Variants in INPP4B observed in about 807,000 individuals in gnomAD.
INPP4B encodes inositol polyphosphate-4-phosphatase type II B.
In INPP4B, 55 loss-of-function variants were observed where a neutral mutation model predicts 122.5. The ratio of observed to expected loss-of-function variants is 0.45; its 90% CI spans 0.36 to 0.56. The LOEUF is 0.56. Among genes scored for constraint, INPP4B ranks in the 20% least tolerant of loss-of-function variants. INPP4B has a pLI of 0.00. For missense variants in INPP4B, 1,000 were observed against 1,097.7 expected (o/e 0.91, Z 1.26); for synonymous variants, 403 against 388.7 (o/e 1.04, Z -0.43).
At chr4:142,067,453 C>T (rs149193254) in intron 25 of INPP4B, among the ~76,000 whole-genome samples, 36 of 152,250 alleles carry the variant, frequency 2.4e-4, no homozygotes, top group Admixed American at 9.2e-4. Context: ...TCACTAGCAA[C>T]GGAACAAAGC....
At chr4:142,841,044 T>A (rs200300361) in intron 1 of INPP4B, among the ~76,000 whole-genome samples, 36 of 151,974 alleles carry the variant, frequency 2.4e-4, no homozygotes, top group East Asian at 9.7e-4. Flanking sequence ...TTTACTTTTT[T>A]AAAAAAAAGT....
chr4:142,558,586 A>T (rs939410881), intron 2 of INPP4B, among the ~76,000 whole-genome samples: 1 of 151,964 alleles, frequency 6.6e-6, no homozygotes, highest in Non-Finnish European at 1.5e-5. Context: ...TAACAAATTC[A>T]TCTGGAAATC....
intron 2 of INPP4B, among the ~76,000 whole-genome samples, chr4:142,658,135 A>C (rs1489744577): frequency 1.3e-5 from 2 of 152,244 alleles, no homozygotes; most frequent in Non-Finnish European, 2.9e-5. Context: ...AAGATAACCA[A>C]ATTTGTCAAT....
chr4:142,638,402 T>C (rs560812555), intron 2 of INPP4B, among the ~76,000 whole-genome samples: 1 of 152,342 alleles, frequency 6.6e-6, no homozygotes, highest in Admixed American at 6.5e-5. Context: ...AATAATTTTT[T>C]GCCTGTGTTA....
chr4:142,312,314 C>T (rs753803045), intron 8 of INPP4B, among the ~76,000 whole-genome samples: 14 of 152,142 alleles, frequency 9.2e-5, no homozygotes, highest in Admixed American at 3.9e-4. Flanking sequence ...GAGGAGAGAT[C>T]AGCATTTAGG....
intron 25 of INPP4B, among the ~76,000 whole-genome samples, chr4:142,066,628 A>C (rs538928182): frequency 6.6e-6 from 1 of 152,296 alleles, no homozygotes; most frequent in African/African-American, 2.4e-5. Flanking sequence ...TGACCCTAAT[A>C]ATGTGCTTTT....
chr4:142,703,322 A>G (rs1261198563), intron 2 of INPP4B, among the ~76,000 whole-genome samples: 1 of 152,228 alleles, frequency 6.6e-6, no homozygotes, highest in Admixed American at 6.5e-5. Context: ...TCCATTTTTA[A>G]AAAGATAAAT....
At chr4:142,581,525 C>T (rs1735063791) in intron 2 of INPP4B, among the ~76,000 whole-genome samples, 1 of 130,172 alleles carries the variant, frequency 7.7e-6, no homozygotes, top group Non-Finnish European at 1.6e-5. Context: ...CCATTTCTAT[C>T]TATTAGAAAT....
At chr4:142,040,944 A>T (rs925079856) in intron 25 of INPP4B, among the ~76,000 whole-genome samples, 2 of 152,198 alleles carry the variant, frequency 1.3e-5, no homozygotes, top group African/African-American at 4.8e-5. Context: ...TATTCTTGAT[A>T]AGCACTAGTC....
At chr4:142,697,332 A>C (rs989876443) in intron 2 of INPP4B, among the ~76,000 whole-genome samples, 1 of 152,126 alleles carries the variant, frequency 6.6e-6, no homozygotes, top group Admixed American at 6.6e-5. Flanking sequence ...AGCTACCTAA[A>C]TTCTCTGAGT....
intron 1 of INPP4B, among the ~76,000 whole-genome samples, chr4:142,775,891 G>A (rs1410249940): frequency 6.6e-6 from 1 of 152,058 alleles, no homozygotes; most frequent in Non-Finnish European, 1.5e-5. Flanking sequence ...TATTTGGTAA[G>A]AGTTTTTATG....
intron 7 of INPP4B, among the ~76,000 whole-genome samples, chr4:142,316,870 A>C (rs1207148947): frequency 6.6e-6 from 1 of 152,206 alleles, no homozygotes; most frequent in Non-Finnish European, 1.5e-5. Flanking sequence ...TATACCCTCC[A>C]TTGCAGTGAA....
At chr4:142,124,065 T>C (rs1196959452) in intron 19 of INPP4B, among the ~76,000 whole-genome samples, 1 of 152,062 alleles carries the variant, frequency 6.6e-6, no homozygotes, top group Non-Finnish European at 1.5e-5. Flanking sequence ...TTATGAATCA[T>C]GTTGGGTGTA....
intron 2 of INPP4B, among the ~76,000 whole-genome samples, chr4:142,667,586 T>G (rs7671783): frequency 6.6e-6 from 1 of 152,080 alleles, no homozygotes; most frequent in Non-Finnish European, 1.5e-5. Context: ...TCTCCATCTG[T>G]GAGCATATCT....
chr4:142,609,373 A>G (rs1741992930), intron 2 of INPP4B, among the ~76,000 whole-genome samples: 1 of 152,034 alleles, frequency 6.6e-6, no homozygotes, highest in Non-Finnish European at 1.5e-5. Context: ...CAAAAAGAAC[A>G]GAGGTTTTAA....
intron 23 of INPP4B, among the ~76,000 whole-genome samples, chr4:142,107,459 C>G (rs1578921729): frequency 6.6e-6 from 1 of 152,114 alleles, no homozygotes; most frequent in Non-Finnish European, 1.5e-5. Flanking sequence ...ATTCCCAGCT[C>G]TCTGATTTTG....
Position 142,362,504 on chromosome 4 carries a change from A to G in INPP4B, c.372+40434T>C, listed in dbSNP as rs149115581. Among the ~76,000 whole-genome samples, 304 of 152,172 alleles carry G rather than the reference A, an allele frequency of 2.0e-3. 1 individual carries two copies. Among genetic ancestry groups the G allele is most frequent in the Non-Finnish European group, 3.1e-3 (210 of 67,966 alleles). On this transcript the variant is annotated intron_variant, in intron 7 of 25. Transcript: ENST00000262992. ...TACTATTAAAAATTATTTATGTCCA[A>G]ATTGGGAATCAATAAAGATAAAAAG...
At chr4:142,125,627 A>G (rs1162522721) in intron 18 of INPP4B, among the ~76,000 whole-genome samples, 2 of 151,972 alleles carry the variant, frequency 1.3e-5, no homozygotes, top group Admixed American at 6.6e-5. Context: ...TGCAAACTCA[A>G]TTCAGGATTT....
intron 2 of INPP4B, among the ~76,000 whole-genome samples, chr4:142,715,693 G>A (rs1445778703): frequency 6.6e-6 from 1 of 152,196 alleles, no homozygotes; most frequent in Non-Finnish European, 1.5e-5. Flanking sequence ...TCTGGGAGAA[G>A]TTAGGGTTGC....
Sources: allele counts gnomAD v4.1 joint callset (sites outside exome capture counted in the v4.1 genomes callset), GRCh38; gene constraint gnomAD v4.1.1; transcripts MANE v1.5; gene names NCBI Gene and HGNC (gene_info 2026-07-23, HGNC 2026-07-21).